Variants in AP1G1 observed in about 807,000 individuals in gnomAD.
AP1G1 encodes adaptor related protein complex 1 subunit gamma 1, also known as AP-1 complex subunit gamma-1.
Under a neutral mutation model 108.3 loss-of-function variants are expected in AP1G1, and 7 were observed. The ratio of observed to expected loss-of-function variants is 0.06; its 90% CI spans 0.04 to 0.12. The LOEUF (loss-of-function observed/expected upper bound fraction) is 0.12. AP1G1 is among the 10% of genes least tolerant of loss of function. The pLI is 1.00. For missense variants in AP1G1, 756 were observed against 1,010.7 expected, an observed-to-expected ratio of 0.75 and a Z score of 3.42; for synonymous variants, 379 against 353.5, an observed-to-expected ratio of 1.07 and a Z score of -0.81.
chr16:71,799,492 G>C (rs1597091043), intron 1 of AP1G1, among the ~76,000 whole-genome samples: 1 of 152,226 alleles, frequency 6.6e-6, no homozygotes, highest in African/African-American at 2.4e-5. Context: ...TGTGGGCTGA[G>C]TGCAGTGGCT....
In AP1G1 at chr16:71,736,551, A is replaced by ATTAT. The variant is rs369844976; in HGVS notation, c.2269-1848_2269-1845dup. 8.9e-3 allele frequency among the ~76,000 whole-genome samples: 942 copies of ATTAT among 105,890 alleles called. 13 individuals carry two copies. Among genetic ancestry groups the ATTAT allele is most frequent in the East Asian group, 0.023 (86 of 3,686 alleles). The allele number at this position is 105,890 out of a possible 152,430, so 69.5% of individuals were successfully genotyped here. A position where few individuals can be genotyped will look rare whatever the true frequency, so the allele number is the denominator to read the frequency against. ...GCCCGCCACCACGCCCGGCTAATTT[A>ATTAT]TTATTTATTTATTTATTTATTTATT... On this transcript the variant is annotated intron_variant, in intron 21 of 22. Transcript: ENST00000299980.
intron 4 of AP1G1, among the ~76,000 whole-genome samples, chr16:71,772,523 C>A (rs908368095): frequency 6.6e-6 from 1 of 152,114 alleles, no homozygotes. Context: ...AGAAAAAGGA[C>A]CAGCTTACAA....
chr16:71,780,575 A>G (rs965458954), intron 2 of AP1G1, among the ~76,000 whole-genome samples: 16 of 151,682 alleles, frequency 1.1e-4, no homozygotes, highest in Admixed American at 8.5e-4. Flanking sequence ...GAAATTCTGT[A>G]AATTTTAACA....
At chr16:71,753,482 G>C (rs1207834968) in intron 13 of AP1G1, 1 of 190,754 alleles carries the variant, frequency 5.2e-6, no homozygotes, top group East Asian at 1.4e-4. Flanking sequence ...CCTACCTCAG[G>C]TCTTTGCACT....
rs967656039 is a variant in AP1G1 at position 71,758,919 on chromosome 16, T to A, written c.977A>T (p.Tyr326Phe). ...FLLNNDKNIRYVALTSLLKTV... is the reference protein window; with the variant it reads ...FLLNNDKNIRFVALTSLLKTV... ...CTTCAACAAAGATGTCAGAGCCACATATCTGGATGAAACAGTTGCAAAATA... is the reference window on the plus strand; with the variant it reads ...CTTCAACAAAGATGTCAGAGCCACAAATCTGGATGAAACAGTTGCAAAATA... Residue 326 changes from tyrosine to phenylalanine, a missense_variant and splice_region_variant, in exon 11 of 23, where the codon TAT becomes TTT. This residue lies in a region of AP1G1 where 304 missense variants were observed against 483.6 expected (regional missense o/e 0.63). Coordinates refer to ENST00000299980, the MANE Select transcript of AP1G1 (RefSeq NM_001128.6). 1.9e-6 allele frequency: 3 copies of A among 1,568,134 alleles called. No homozygotes were observed. The African/African-American group carries it at 4.1e-5, about 21-fold the overall frequency.
intron 1 of AP1G1, among the ~76,000 whole-genome samples, chr16:71,798,021 AG>A (rs1445010359): frequency 1.3e-5 from 2 of 152,244 alleles, no homozygotes; most frequent in Non-Finnish European, 2.9e-5. Flanking sequence ...TAAAATACGT[AG>A]GAATAAATTT....
chr16:71,744,429 G>A (rs2030052993), intron 19 of AP1G1, among the ~76,000 whole-genome samples: 1 of 152,136 alleles, frequency 6.6e-6, no homozygotes, highest in African/African-American at 2.4e-5. Context: ...GAGGTAAGTA[G>A]CAGGTTAACA....
intron 6 of AP1G1, among the ~76,000 whole-genome samples, chr16:71,768,935 A>AG (rs1429976122): frequency 9.1e-5 from 13 of 143,246 alleles, no homozygotes; most frequent in African/African-American, 1.3e-4. Context: ...AAAAAAAAAA[A>AG]AAAAAGAAAA....
At chr16:71,796,030 A>G (rs1282654567) in intron 1 of AP1G1, among the ~76,000 whole-genome samples, 1 of 152,222 alleles carries the variant, frequency 6.6e-6, no homozygotes, top group Non-Finnish European at 1.5e-5. Flanking sequence ...CAAGTCCAGG[A>G]GTTCAAGACC....
intron 1 of AP1G1, 191 bp downstream of exon 1, chr16:71,808,572 C>G (rs1446775727): frequency 7.8e-7 from 1 of 1,289,116 alleles, no homozygotes; most frequent in East Asian, 5.6e-5. Flanking sequence ...GCCTCGGGGT[C>G]GGCCCTCCAG....
At chr16:71,749,083 C>T (rs1375928657) in intron 15 of AP1G1, among the ~76,000 whole-genome samples, 1 of 151,908 alleles carries the variant, frequency 6.6e-6, no homozygotes, top group Non-Finnish European at 1.5e-5. Flanking sequence ...ATTTTTTCTA[C>T]TTTTTAGTAG....
intron 21 of AP1G1, among the ~76,000 whole-genome samples, chr16:71,737,964 A>G (rs2045570546): frequency 6.6e-6 from 1 of 152,404 alleles, no homozygotes; most frequent in Admixed American, 6.5e-5. Context: ...AATAAAGACC[A>G]GATAGCAGCC....
At chr16:71,808,051 T>G in intron 1 of AP1G1, 1 of 1,180,004 alleles carries the variant, frequency 8.5e-7, no homozygotes, top group East Asian at 6.0e-5. Context: ...CTACACCGAG[T>G]CCTAACCGGG....
intron 2 of AP1G1, among the ~76,000 whole-genome samples, chr16:71,781,689 C>T (rs1485543400): frequency 6.6e-6 from 1 of 152,226 alleles, no homozygotes. Flanking sequence ...TCATAACTCA[C>T]TGCTACATAG....
At chr16:71,741,817 G>A (rs2045625499) in intron 19 of AP1G1, among the ~76,000 whole-genome samples, 1 of 152,122 alleles carries the variant, frequency 6.6e-6, no homozygotes, top group African/African-American at 2.4e-5. Flanking sequence ...TGTTCTCATG[G>A]AAAATCAGAG....
intron 13 of AP1G1, among the ~76,000 whole-genome samples, chr16:71,752,144 T>A (rs1041720209): frequency 1.2e-4 from 18 of 151,946 alleles, no homozygotes; most frequent in African/African-American, 4.3e-4. Context: ...CACATGATCA[T>A]AAGAGAACAC....
chr16:71,757,262 C>G (rs2030845697), intron 11 of AP1G1, among the ~76,000 whole-genome samples: 1 of 152,084 alleles, frequency 6.6e-6, no homozygotes, highest in Non-Finnish European at 1.5e-5. Context: ...ACCAACCTAG[C>G]CAATACGGCA....
Position 71,748,354 on chromosome 16 carries a change from T to C in AP1G1, c.1522A>G (p.Ile508Val). 6.2e-7 allele frequency: 1 copy of C among 1,613,386 alleles called. No homozygotes were observed. The highest frequency in any genetic ancestry group is 1.3e-5 in the African/African-American group (1 of 74,996). The change falls in exon 16 of 23, where the codon ATT becomes GTT. Residue 508 changes from isoleucine to valine, a missense_variant. Coordinates refer to ENST00000299980, the MANE Select transcript of AP1G1 (RefSeq NM_001128.6). Reference sequence around the variant, plus strand: ...TTAGAGATTAGGACACTTTCTAAAATATCCAACACTTCATCCTCTGTTACC... The same window carrying C: ...TTAGAGATTAGGACACTTTCTAAAACATCCAACACTTCATCCTCTGTTACC... ...IQVTEDEVLD[I>V]LESVLISNMS... is the part of the protein sequence containing the mutation.
intron 1 of AP1G1, among the ~76,000 whole-genome samples, chr16:71,798,934 T>C (rs1041511530): frequency 1.3e-5 from 2 of 149,682 alleles, no homozygotes; most frequent in African/African-American, 4.9e-5. Flanking sequence ...AAAATACACG[T>C]GCCATATAAC....
Sources: allele counts gnomAD v4.1 joint callset (sites outside exome capture counted in the v4.1 genomes callset), GRCh38; gene constraint gnomAD v4.1.1; regional missense constraint gnomAD v4.1.1; transcripts MANE v1.5; gene names NCBI Gene and HGNC (gene_info 2026-07-23, HGNC 2026-07-21).